Variants in PLXDC2 observed in about 807,000 individuals in gnomAD.
The protein encoded by PLXDC2 is plexin domain containing 2.
In PLXDC2, 40 loss-of-function variants were observed where a neutral mutation model predicts 68.9. The ratio of observed to expected loss-of-function variants is 0.58; its 90% CI spans 0.45 to 0.76. The LOEUF (loss-of-function observed/expected upper bound fraction) is 0.76, where lower values mean the gene tolerates loss of function less well. Among genes scored for constraint, PLXDC2 ranks in the 30% least tolerant of loss-of-function variants. PLXDC2 has a pLI of 0.00. For missense variants in PLXDC2, 644 were observed against 661.9 expected, an observed-to-expected ratio of 0.97 and a Z score of 0.30; for synonymous variants, 243 against 234.2, an observed-to-expected ratio of 1.04 and a Z score of -0.34.
intron 2 of PLXDC2, among the ~76,000 whole-genome samples, chr10:20,018,214 G>T (rs1282322143): frequency 6.6e-6 from 1 of 152,178 alleles, no homozygotes; most frequent in Non-Finnish European, 1.5e-5. Context: ...CCTTCCTGAT[G>T]TAATCTTACT....
intron 1 of PLXDC2, among the ~76,000 whole-genome samples, chr10:19,973,894 A>T (rs1324332396): frequency 6.6e-6 from 1 of 152,264 alleles, no homozygotes; most frequent in African/African-American, 2.4e-5. Flanking sequence ...TTCCTGAAAC[A>T]GACTGAAAAA....
At chr10:20,141,154 G>T (rs1293619744) in intron 4 of PLXDC2, among the ~76,000 whole-genome samples, 2 of 151,866 alleles carry the variant, frequency 1.3e-5, no homozygotes, top group African/African-American at 2.4e-5. Context: ...TTGTAGATTT[G>T]GGAAACATTT....
rs71388894 is a variant in PLXDC2 at position 20,044,122 on chromosome 10, T to TCCTTCCTTCCTTCCTCCCTC, written c.325-2744_325-2743insTCCTTCCTTCCTCCCTCCCT. On this transcript the variant is annotated intron_variant, in intron 2 of 13. Coordinates refer to ENST00000377252, the MANE Select transcript of PLXDC2 (RefSeq NM_032812.9). Reference sequence around the variant, plus strand: ...TTCCTTCCTTCCTTCCTTCCTTCCTTCCTCCCTCCCTCCCTCTCTCTCTTT... The same window carrying TCCTTCCTTCCTTCCTCCCTC: ...TTCCTTCCTTCCTTCCTTCCTTCCTTCCTTCCTTCCTTCCTCCCTCCCTCCCTCCCTCCCTCTCTCTCTTT... Among the ~76,000 whole-genome samples, 40 of 99,734 alleles carry TCCTTCCTTCCTTCCTCCCTC rather than the reference T, an allele frequency of 4.0e-4. 4 individuals are homozygous for TCCTTCCTTCCTTCCTCCCTC. The highest frequency in any genetic ancestry group is 1.1e-3 in the African/African-American group (26 of 24,212). The allele number at this position is 99,734 out of a possible 152,430, so 65.4% of individuals were successfully genotyped here. A position where few individuals can be genotyped will look rare whatever the true frequency, so the allele number is the denominator to read the frequency against.
At chr10:19,823,877 G>A (rs1353418722) in intron 1 of PLXDC2, among the ~76,000 whole-genome samples, 3 of 151,596 alleles carry the variant, frequency 2.0e-5, no homozygotes, top group Non-Finnish European at 4.4e-5. Context: ...TCATGGTGGT[G>A]CACACCTGTA....
chr10:19,987,464 A>G (rs983348099), intron 1 of PLXDC2, among the ~76,000 whole-genome samples: 1 of 152,140 alleles, frequency 6.6e-6, no homozygotes, highest in Non-Finnish European at 1.5e-5. Flanking sequence ...GCAAATCTGG[A>G]TGTAAATGGA....
chr10:20,185,895 A>G (rs1039396735), intron 9 of PLXDC2, among the ~76,000 whole-genome samples: 2 of 151,948 alleles, frequency 1.3e-5, no homozygotes, highest in Non-Finnish European at 2.9e-5. Context: ...TTGCCAAAGC[A>G]CCTAATTTCA....
At chr10:19,875,099 C>T (rs186371377) in intron 1 of PLXDC2, among the ~76,000 whole-genome samples, 152 of 152,306 alleles carry the variant, frequency 1.0e-3, no homozygotes, top group African/African-American at 3.6e-3. Flanking sequence ...AAAATTAAAT[C>T]ATGCATGCAA....
intron 1 of PLXDC2, among the ~76,000 whole-genome samples, chr10:19,907,967 T>C (rs1833197722): frequency 6.6e-6 from 1 of 152,166 alleles, no homozygotes; most frequent in African/African-American, 2.4e-5. Flanking sequence ...AATCTCATGC[T>C]TCAAAATCTT....
chr10:20,112,499 A>G (rs1833572494), intron 4 of PLXDC2, among the ~76,000 whole-genome samples: 1 of 152,168 alleles, frequency 6.6e-6, no homozygotes, highest in African/African-American at 2.4e-5. Context: ...CCTCCTCTCC[A>G]TCATCCCCTG....
chr10:19,817,011 T>A lies in PLXDC2; in HGVS notation c.-69T>A. 2 of 1,212,346 alleles carry A rather than the reference T, an allele frequency of 1.6e-6. No homozygotes were observed. The highest frequency in any genetic ancestry group is 2.4e-6 in the Non-Finnish European group (2 of 850,884). The allele number at this position is 1,212,346 out of a possible 1,614,324, so 75.1% of individuals were successfully genotyped here. On this transcript the variant is annotated 5_prime_UTR_variant, in exon 1 of 14. Coordinates refer to ENST00000377252, the MANE Select transcript of PLXDC2 (RefSeq NM_032812.9). ...CCGCAGCGTTTGGCCCGGTCGTGCC[T>A]ATTGCATCGGGAGCCCCCGAGCACC...
chr10:19,835,056 C>A (rs1836764898), intron 1 of PLXDC2, among the ~76,000 whole-genome samples: 1 of 152,120 alleles, frequency 6.6e-6, no homozygotes, highest in African/African-American at 2.4e-5. Flanking sequence ...ACAGAGAGAA[C>A]AATCCTGGGG....
chr10:20,230,073 A>G (rs1365045804), intron 12 of PLXDC2, among the ~76,000 whole-genome samples: 1 of 152,236 alleles, frequency 6.6e-6, no homozygotes, highest in Non-Finnish European at 1.5e-5. Context: ...GAATAGCTAA[A>G]TGGCAGACCA....
intron 1 of PLXDC2, among the ~76,000 whole-genome samples, chr10:19,969,133 C>G (rs1370535964): frequency 2.0e-5 from 3 of 152,102 alleles, no homozygotes; most frequent in Non-Finnish European, 4.4e-5. Context: ...AATATGCTAG[C>G]CAGACATTTT....
At chr10:20,050,475 C>A (rs1835877129) in intron 3 of PLXDC2, among the ~76,000 whole-genome samples, 2 of 152,036 alleles carry the variant, frequency 1.3e-5, no homozygotes, top group South Asian at 4.1e-4. Context: ...TGACAAAGGT[C>A]TAATATCCAG....
At chr10:19,991,187 G>A (rs183184251) in intron 1 of PLXDC2, among the ~76,000 whole-genome samples, 1 of 151,418 alleles carries the variant, frequency 6.6e-6, no homozygotes, top group Non-Finnish European at 1.5e-5. Context: ...CAGAGGTTGC[G>A]GTGAGCCGAG....
intron 1 of PLXDC2, among the ~76,000 whole-genome samples, chr10:19,972,665 C>T (rs1022389601): frequency 6.6e-6 from 1 of 152,158 alleles, no homozygotes; most frequent in African/African-American, 2.4e-5. Context: ...AATGATGTAT[C>T]TGGCAATCAT....
At chr10:20,238,668 T>TATATATATATATATATATATATACACAC (rs1554777552) in intron 12 of PLXDC2, among the ~76,000 whole-genome samples, 1 of 96,758 alleles carries the variant, frequency 1.0e-5, no homozygotes, top group Non-Finnish European at 2.0e-5. Flanking sequence ...AAAAAATATA[T>TATATATATATATATATATATATACACAC]ATATATATGT....
At chr10:19,875,790 A>C (rs1405135438) in intron 1 of PLXDC2, among the ~76,000 whole-genome samples, 2 of 152,346 alleles carry the variant, frequency 1.3e-5, no homozygotes, top group East Asian at 3.9e-4. Context: ...TTTCAAAATA[A>C]AATAAAATAC....
At chr10:20,246,077 C>T (rs145215488) in intron 13 of PLXDC2, among the ~76,000 whole-genome samples, 9 of 152,268 alleles carry the variant, frequency 5.9e-5, no homozygotes, top group East Asian at 3.9e-4. Flanking sequence ...TGCAGAGAGA[C>T]GCATATCCAC....
Sources: gnomAD v4.1 joint callset for allele counts (sites outside exome capture counted in the v4.1 genomes callset) on GRCh38, gnomAD v4.1.1 for gene constraint, MANE v1.5 for transcripts, NCBI Gene and HGNC (gene_info 2026-07-23, HGNC 2026-07-21) for gene names.